SMCHD1: variants seen among roughly 807,000 people sequenced by gnomAD.
SMCHD1 encodes structural maintenance of chromosomes flexible hinge domain containing 1.
In SMCHD1, 78 loss-of-function variants were observed where a neutral mutation model predicts 254.7. The observed-to-expected ratio is 0.31, with a 90% CI of 0.26 to 0.37. SMCHD1 has a LOEUF of 0.37. SMCHD1 is among the 10% of genes least tolerant of loss of function. The probability of loss-of-function intolerance (pLI) is 1.00; values close to 1 mark genes in which losing one functional copy is unlikely to be tolerated. For missense variants in SMCHD1, 1,840 were observed against 2,408.1 expected (o/e 0.76, Z 4.94); for synonymous variants, 766 against 794.9 (o/e 0.96, Z 0.61).
chr18:2,734,995 G>A (rs568528), intron 25 of SMCHD1, among the ~76,000 whole-genome samples: 58,261 of 151,362 alleles, frequency 0.38, 11,767 homozygotes, highest in Non-Finnish European at 0.45. Flanking sequence ...GCTTGAACCC[G>A]AGAGTCAGAG....
In SMCHD1 at chr18:2,803,312, T is replaced by TTTTACA. The variant is rs1024626374; in HGVS notation, c.*769_*774dup. The TTTTACA allele has an allele frequency of 4.6e-5, 7 of 150,992 alleles. No individual in the cohort carries two copies. The East Asian group carries it at 1.4e-3, about 29-fold the overall frequency. The allele number at this position is 150,992 out of a possible 1,614,324, so 9.4% of individuals were successfully genotyped here. A position where few individuals can be genotyped will look rare whatever the true frequency, so the allele number is the denominator to read the frequency against. ...CTAGAATATGTAGTCTCAGCCTTAA[T>TTTTACA]TTTACATTTACATTATTTTGTAATT... On this transcript the variant is annotated 3_prime_UTR_variant, in exon 48 of 48. Coordinates refer to ENST00000320876, the MANE Select transcript of SMCHD1 (RefSeq NM_015295.3).
chr18:2,775,938 G>T lies in SMCHD1; in HGVS notation c.5366+14G>T. 2.6e-6 allele frequency: 4 copies of T among 1,548,538 alleles called. No homozygotes were observed. Among genetic ancestry groups the T allele is most frequent in the Non-Finnish European group, 3.5e-6 (4 of 1,156,754 alleles). On this transcript the variant is annotated intron_variant, in intron 42 of 47. Transcript: ENST00000320876. ...AGATTGGAAAAGGTTAGAAAAAAGT[G>T]AAAGTAATTTTTTTTCTGAAATATA...
At chr18:2,693,630 G>T (rs111740855) in intron 7 of SMCHD1, among the ~76,000 whole-genome samples, 3,696 of 149,888 alleles carry the variant, frequency 0.025, 139 homozygotes, top group African/African-American at 0.087. Flanking sequence ...TTTTTTGTTT[G>T]TTTGTTTGTT....
intron 41 of SMCHD1, among the ~76,000 whole-genome samples, chr18:2,772,818 C>G (rs987116317): frequency 6.6e-6 from 1 of 152,228 alleles, no homozygotes; most frequent in Non-Finnish European, 1.5e-5. Flanking sequence ...AAGTAACTTG[C>G]TCAGAGTTGC....
intron 37 of SMCHD1, among the ~76,000 whole-genome samples, chr18:2,767,584 C>CTT (rs397858216): frequency 0.32 from 28,370 of 88,944 alleles, 5,295 homozygotes; most frequent in Non-Finnish European, 0.4. Flanking sequence ...AACCTATTTC[C>CTT]TTTTTTTTTT....
intron 33 of SMCHD1, 26 bp from the exon 34 acceptor site, chr18:2,752,462 C>T (rs1228523472): frequency 6.5e-7 from 1 of 1,537,368 alleles, no homozygotes; most frequent in Non-Finnish European, 9.0e-7. Context: ...TTCCCCTCTC[C>T]CCTTCTCTCC....
intron 45 of SMCHD1, among the ~76,000 whole-genome samples, chr18:2,786,287 G>A (rs906087976): frequency 6.6e-6 from 1 of 152,028 alleles, no homozygotes; most frequent in Non-Finnish European, 1.5e-5. Context: ...ACCGTGTCTG[G>A]CCACTTTGTT....
At chr18:2,768,575 A>G (rs1055264249) in intron 37 of SMCHD1, among the ~76,000 whole-genome samples, 5 of 142,350 alleles carry the variant, frequency 3.5e-5, no homozygotes, top group Non-Finnish European at 4.7e-5. Context: ...AACATACTAA[A>G]TATTTGCCAC....
At chr18:2,772,864 C>G (rs1347074883) in intron 41 of SMCHD1, among the ~76,000 whole-genome samples, 7 of 152,242 alleles carry the variant, frequency 4.6e-5, no homozygotes, top group Non-Finnish European at 1.0e-4. Flanking sequence ...GGTGAAACCC[C>G]AAGTAGTCTG....
intron 7 of SMCHD1, among the ~76,000 whole-genome samples, chr18:2,693,532 A>AT (rs2074223879): frequency 6.6e-6 from 1 of 152,368 alleles, no homozygotes; most frequent in Non-Finnish European, 1.5e-5. Context: ...ATCTTATGGG[A>AT]CCACTGCAGT....
At chr18:2,686,603 G>A (rs766638042) in intron 5 of SMCHD1, among the ~76,000 whole-genome samples, 14 of 151,986 alleles carry the variant, frequency 9.2e-5, no homozygotes, top group Non-Finnish European at 1.9e-4. Flanking sequence ...TGTGGTGTGT[G>A]TTTCTGTTGA....
intron 44 of SMCHD1, among the ~76,000 whole-genome samples, chr18:2,782,583 TA>T (rs78773992): frequency 1.4e-3 from 202 of 140,744 alleles, no homozygotes; most frequent in Non-Finnish European, 1.5e-3. Flanking sequence ...CTACAAAGTT[TA>T]AAAAAAAAAA....
chr18:2,731,048 C>G (rs1304929480), intron 24 of SMCHD1, among the ~76,000 whole-genome samples: 1 of 152,146 alleles, frequency 6.6e-6, no homozygotes, highest in Non-Finnish European at 1.5e-5. Flanking sequence ...AAACAAATGC[C>G]AACGTAAATC....
chr18:2,697,701 AT>A (rs1159268322), intron 9 of SMCHD1, 129 bp from the exon 10 acceptor site: 2 of 641,944 alleles, frequency 3.1e-6, no homozygotes, highest in African/African-American at 3.7e-5. Context: ...AAATATATGT[AT>A]TTCATTAAGC....
At chr18:2,797,420 A>C (rs117272425) in intron 47 of SMCHD1, among the ~76,000 whole-genome samples, 2,721 of 152,334 alleles carry the variant, frequency 0.018, 39 homozygotes, top group Middle Eastern at 0.1. Context: ...ATGTTTTCTC[A>C]TATCAACCGT....
intron 30 of SMCHD1, among the ~76,000 whole-genome samples, chr18:2,748,982 G>A (rs1417136540): frequency 6.6e-6 from 1 of 152,234 alleles, no homozygotes; most frequent in Admixed American, 6.5e-5. Flanking sequence ...AAAGTGCCAA[G>A]AATGGCTTGT....
chr18:2,693,488 T>C (rs1164529069), intron 7 of SMCHD1, among the ~76,000 whole-genome samples: 5 of 152,212 alleles, frequency 3.3e-5, no homozygotes, highest in Non-Finnish European at 5.9e-5. Flanking sequence ...TAGCTAAACA[T>C]AGAAAAGGTA....
intron 37 of SMCHD1, among the ~76,000 whole-genome samples, chr18:2,765,553 A>G (rs1030135956): frequency 6.6e-6 from 1 of 152,158 alleles, no homozygotes; most frequent in East Asian, 1.9e-4. Context: ...TTAGTTTCCA[A>G]CATTTAAAGT....
chr18:2,784,679 T>C, intron 45 of SMCHD1, 58 bp downstream of exon 45: 2 of 1,440,300 alleles, frequency 1.4e-6, no homozygotes, highest in Non-Finnish European at 1.9e-6. Context: ...CTTATTTTTC[T>C]AAGAGCTTAT....
Sources: allele counts gnomAD v4.1 joint callset (sites outside exome capture counted in the v4.1 genomes callset), GRCh38; gene constraint gnomAD v4.1.1; transcripts MANE v1.5; gene names NCBI Gene and HGNC (gene_info 2026-07-23, HGNC 2026-07-21).